The following IQSEC1 variants were observed in gnomAD, a reference collection of about 807,000 sequenced individuals.
IQSEC1 encodes the protein IQ motif and SEC7 domain-containing protein 1.
In IQSEC1, 31 loss-of-function variants were observed where a neutral mutation model predicts 91.0. That is an observed-to-expected ratio of 0.34 (90% CI 0.26 to 0.46). IQSEC1 has a LOEUF of 0.46. Ranked by LOEUF, IQSEC1 falls within the 20% of genes least tolerant of loss-of-function variation. The pLI, the probability that IQSEC1 is intolerant of heterozygous loss-of-function variation, is 1.00. For missense variants in IQSEC1, 1,388 were observed against 1,575.6 expected (o/e 0.88, Z 2.02); for synonymous variants, 699 against 662.6 (o/e 1.05, Z -0.84).
At chr3:13,258,476 G>A (rs1386140530) in intron 1 of IQSEC1, among the ~76,000 whole-genome samples, 1 of 152,108 alleles carries the variant, frequency 6.6e-6, no homozygotes, top group Admixed American at 6.5e-5. Flanking sequence ...GAGCCTAGGA[G>A]TTCCAGACCA....
chr3:13,253,416 A>G (rs948561438), intron 1 of IQSEC1, among the ~76,000 whole-genome samples: 3 of 152,146 alleles, frequency 2.0e-5, no homozygotes, highest in Non-Finnish European at 4.4e-5. Context: ...CACCCGAGGC[A>G]GCTTAGCCAA....
intron 1 of IQSEC1, among the ~76,000 whole-genome samples, chr3:13,065,069 G>C (rs553362896): frequency 6.6e-6 from 1 of 152,254 alleles, no homozygotes; most frequent in Non-Finnish European, 1.5e-5. Context: ...AAGACACACA[G>C]GGCTTGGCTT....
rs1292638341 is a variant in IQSEC1 at position 13,129,404 on chromosome 3, C to A, written c.302+34700G>T. On this transcript the variant is annotated intron_variant, in intron 2 of 15. Coordinates refer to the IQSEC1 transcript ENST00000648114. Reference sequence around the variant, plus strand: ...GATCGGTCTGACCACAGAGTTATTACTTTCACTGGTCTTCTCAAAGAATCA... The same window carrying A: ...GATCGGTCTGACCACAGAGTTATTAATTTCACTGGTCTTCTCAAAGAATCA... Among the ~76,000 whole-genome samples the A allele has an allele frequency of 2.0e-5, 3 of 152,252 alleles. No homozygotes were observed. In the East Asian group the frequency reaches 5.8e-4, roughly 29 times the overall value.
chr3:13,145,802 G>GGT (rs1351663037), intron 2 of IQSEC1, among the ~76,000 whole-genome samples: 10 of 103,336 alleles, frequency 9.7e-5, no homozygotes, highest in Non-Finnish European at 1.8e-4. Context: ...GGCGCCCGGG[G>GGT]GCGGGGGGGG....
At chr3:13,156,566 C>A (rs921583154) in intron 2 of IQSEC1, among the ~76,000 whole-genome samples, 1 of 152,210 alleles carries the variant, frequency 6.6e-6, no homozygotes, top group Non-Finnish European at 1.5e-5. Context: ...CAGAGGTGCT[C>A]CCCTTGGATG....
rs773592801 is a variant in IQSEC1 at position 12,908,544 on chromosome 3, G to A, written c.2579-19C>T. ...AGCTCCGCTGGAACAGAGAGGGTGA[G>A]GGTCCTGGTGAGAGGAGCACAGCCT... On this transcript the variant is annotated intron_variant, in intron 11 of 13. Coordinates refer to ENST00000613206, the MANE Select transcript of IQSEC1 (RefSeq NM_001134382.3). The surrounding 1 kb of genome is among the most constrained non-coding windows in gnomAD (Gnocchi z 4.9). 6.2e-7 allele frequency: 1 copy of A among 1,613,282 alleles called. No homozygotes were observed. The highest frequency in any genetic ancestry group is 8.5e-7 in the Non-Finnish European group (1 of 1,179,974).
intron 2 of IQSEC1, among the ~76,000 whole-genome samples, chr3:13,158,575 T>C (rs989570159): frequency 1.3e-5 from 2 of 152,156 alleles, no homozygotes; most frequent in African/African-American, 4.8e-5. Flanking sequence ...TGGGCTCTCC[T>C]CATTGTCCCA....
chr3:13,264,547 C>G (rs1695450795), intron 1 of IQSEC1, among the ~76,000 whole-genome samples: 1 of 152,144 alleles, frequency 6.6e-6, no homozygotes, highest in Admixed American at 6.5e-5. Flanking sequence ...TCCTCCCCTC[C>G]CTCCCTCCAG....
Position 12,901,280 on chromosome 3 carries a change from T to TG in IQSEC1, c.3047dup (p.Glu1017ArgfsTer176). On this transcript the variant is annotated frameshift_variant, in exon 14 of 14. Transcript: ENST00000613206. LOFTEE classifies it low-confidence loss of function (END_TRUNC). ...GCATGGCGGCCTGCGGCAGCCCCTC[T>TG]GGGGGCCCCAGGTGGTGGCCAGCCA... 1 of 1,344,078 alleles carries TG rather than the reference T, an allele frequency of 7.4e-7. No individual in the cohort carries two copies. The highest frequency in any genetic ancestry group is 9.8e-7 in the Non-Finnish European group (1 of 1,025,482). 83.3% of individuals were successfully genotyped at this position (1,344,078 alleles called of 1,614,324 possible).
At chr3:13,195,276 C>T (rs1161399211) in intron 1 of IQSEC1, among the ~76,000 whole-genome samples, 1 of 152,078 alleles carries the variant, frequency 6.6e-6, no homozygotes, top group Non-Finnish European at 1.5e-5. Context: ...GCAGAAAATG[C>T]AAGATGAGAT....
chr3:13,224,739 G>A (rs866943335), intron 1 of IQSEC1, among the ~76,000 whole-genome samples: 1 of 152,016 alleles, frequency 6.6e-6, no homozygotes, highest in African/African-American at 2.4e-5. Flanking sequence ...GGCCACATGG[G>A]AGCCATCTCC....
Position 13,073,111 on chromosome 3 carries a change from G to A in IQSEC1, c.-97C>T, listed in dbSNP as rs958816957. The A allele has an allele frequency of 1.0e-5, 15 of 1,434,196 alleles. No individual in the cohort carries two copies. In the African/African-American group the frequency reaches 1.3e-4, roughly 12 times the overall value. The allele number at this position is 1,434,196 out of a possible 1,614,324, so 88.8% of individuals were successfully genotyped here. A position where few individuals can be genotyped will look rare whatever the true frequency, so the allele number is the denominator to read the frequency against. On this transcript the variant is annotated 5_prime_UTR_variant, in exon 1 of 14. Coordinates refer to ENST00000613206, the MANE Select transcript of IQSEC1 (RefSeq NM_001134382.3). ...GCAGGCGGCTCAGGCAAGAAGTGGA[G>A]GGGAATAAAATTAAATCGCGGGGCG...
At position 12,902,820 on chromosome 3, in the gene IQSEC1, T is replaced by TC; in HGVS notation, c.2757dup (p.Lys920GlufsTer21). ...CCCGCACTGCTGCGACGCCCTCGCT[T>TC]CCCTGCCCAGAACATGCAATACCAG... On this transcript the variant is annotated frameshift_variant and splice_region_variant, in exon 13 of 14. Transcript: ENST00000613206. LOFTEE classifies it low-confidence loss of function (END_TRUNC). The TC allele has an allele frequency of 6.2e-7, 1 of 1,613,086 alleles. No individual in the cohort carries two copies. The highest frequency in any genetic ancestry group is 8.5e-7 in the Non-Finnish European group (1 of 1,179,102).
chr3:13,263,992 G>A (rs572899622), intron 1 of IQSEC1, among the ~76,000 whole-genome samples: 111 of 152,306 alleles, frequency 7.3e-4, no homozygotes, highest in East Asian at 5.2e-3. Context: ...GGCTTCCAAC[G>A]TGCACAAGCC....
intron 1 of IQSEC1, among the ~76,000 whole-genome samples, chr3:13,186,283 T>C (rs1307648436): frequency 6.6e-6 from 1 of 152,240 alleles, no homozygotes; most frequent in Non-Finnish European, 1.5e-5. Context: ...GGAAGCTCTG[T>C]AAATATTCTG....
At chr3:13,147,931 C>G (rs1429876989) in intron 2 of IQSEC1, among the ~76,000 whole-genome samples, 1 of 152,240 alleles carries the variant, frequency 6.6e-6, no homozygotes, top group Non-Finnish European at 1.5e-5. Flanking sequence ...CCACGCCCAG[C>G]CGACAGGTGT....
At chr3:12,980,256 G>A (rs1267730141) in intron 1 of IQSEC1, among the ~76,000 whole-genome samples, 1 of 152,238 alleles carries the variant, frequency 6.6e-6, no homozygotes, top group Non-Finnish European at 1.5e-5. Flanking sequence ...TGGTGGCAGA[G>A]CTGGGAATCC....
intron 1 of IQSEC1, among the ~76,000 whole-genome samples, chr3:13,027,501 A>C (rs1483867731): frequency 1.3e-5 from 2 of 152,172 alleles, no homozygotes; most frequent in Non-Finnish European, 2.9e-5. Context: ...GCCAGGGAGG[A>C]ACTGTTGCTT....
intron 1 of IQSEC1, among the ~76,000 whole-genome samples, chr3:13,241,243 G>C (rs1433333757): frequency 1.3e-5 from 2 of 152,158 alleles, no homozygotes; most frequent in East Asian, 3.8e-4. Flanking sequence ...GCTGAATTCC[G>C]GGACCTTGTT....
Sources: gnomAD v4.1 joint callset for allele counts (sites outside exome capture counted in the v4.1 genomes callset) on GRCh38, gnomAD v4.1.1 for gene constraint, Gnocchi (gnomAD v3.1) non-coding constraint, MANE v1.5 for transcripts, NCBI Gene and HGNC (gene_info 2026-07-23, HGNC 2026-07-21) for gene names.